INSYN2A: variants seen among roughly 807,000 people sequenced by gnomAD.
The protein encoded by INSYN2A is inhibitory synaptic factor 2A.
A neutral mutation model predicts 39.4 loss-of-function variants in INSYN2A; 17 were observed. That is an observed-to-expected ratio of 0.43 (90% CI 0.30 to 0.65). INSYN2A has a LOEUF of 0.65. Ranked by LOEUF, INSYN2A falls within the 30% of genes least tolerant of loss-of-function variation. The probability of loss-of-function intolerance (pLI) is 0.14; values close to 1 mark genes in which losing one functional copy is unlikely to be tolerated. For synonymous variants in INSYN2A, 255 were observed against 265.7 expected, an observed-to-expected ratio of 0.96 and a Z score of 0.39; for missense variants, 595 against 631.2, an observed-to-expected ratio of 0.94 and a Z score of 0.61.
At chr10:127,177,927 TAAGC>T (rs1449346587) in intron 2 of INSYN2A, among the ~76,000 whole-genome samples, 3 of 152,142 alleles carry the variant, frequency 2.0e-5, no homozygotes, top group African/African-American at 7.2e-5. Context: ...ACACAGGAAA[TAAGC>T]AGCGCAGGCA....
intron 4 of INSYN2A, 60 bp from the exon 5 acceptor site, chr10:127,153,983 A>G: frequency 8.2e-7 from 1 of 1,216,788 alleles, no homozygotes; most frequent in Middle Eastern, 1.9e-4. Context: ...GGCTTTATAG[A>G]GCAGATGCCT....
intron 2 of INSYN2A, among the ~76,000 whole-genome samples, chr10:127,184,409 A>G (rs2056031640): frequency 1.5e-5 from 2 of 136,002 alleles, no homozygotes; most frequent in East Asian, 4.3e-4. Flanking sequence ...TCTTCCCTTT[A>G]GTTCCACACT....
chr10:127,146,013 C>T lies in INSYN2A; in HGVS notation c.1256+7839G>A, dbSNP rs971863976. 5.8e-6 allele frequency: 3 copies of T among 517,826 alleles called. No individual in the cohort carries two copies. In the Admixed American group the frequency reaches 5.8e-5, roughly 10 times the overall value. The allele number at this position is 517,826 out of a possible 1,614,324, so 32.1% of individuals were successfully genotyped here. On this transcript the variant is annotated intron_variant, in intron 5 of 5. Coordinates refer to ENST00000522781, the MANE Select transcript of INSYN2A (RefSeq NM_001039762.3). The stretch of plus-strand genomic sequence containing the variant: ...CCGCACCCTGAATTCCCTAGTCACT[C>T]TATTCCCCATGGAATTTCATACGAC...
At position 127,175,745 on chromosome 10, in the gene INSYN2A, G is replaced by A. The variant is rs150978210; in HGVS notation, c.651C>T (p.Ser217=). 1.3e-3 allele frequency: 2,142 copies of A among 1,614,070 alleles called. 2 individuals carry two copies. The highest frequency in any genetic ancestry group is 1.6e-3 in the Non-Finnish European group (1,847 of 1,180,042). The change falls in exon 4 of 6, where the codon TCC becomes TCT. Residue 217 remains serine (S), a synonymous_variant. Coordinates refer to ENST00000522781, the MANE Select transcript of INSYN2A (RefSeq NM_001039762.3). The surrounding 1 kb of genome is among the most constrained non-coding windows in gnomAD (Gnocchi z 6.3). ...CGAGCAGCTGGTAATCGGGCTCTTC[G>A]GATGGAGGCCGAGTGGAGTTTTGGA... ...AALQNSTRPP[S]EEPDYQLLGR... is the part of the protein sequence containing the mutation.
In INSYN2A at chr10:127,153,927, C is replaced by T. The variant is rs762437757; in HGVS notation, c.1185-4G>A. On this transcript the variant is annotated splice_polypyrimidine_tract_variant and splice_region_variant and intron_variant, in intron 4 of 5. Coordinates refer to ENST00000522781, the MANE Select transcript of INSYN2A (RefSeq NM_001039762.3). Reference sequence around the variant, plus strand: ...TTGCCCCGTCCGATATGAAAGCCTACAAGATAAGAACAGGAGAGCATTACA... The same window carrying T: ...TTGCCCCGTCCGATATGAAAGCCTATAAGATAAGAACAGGAGAGCATTACA... 1.3e-5 allele frequency: 21 copies of T among 1,612,776 alleles called. No individual in the cohort carries two copies. The highest frequency in any genetic ancestry group is 2.7e-5 in the African/African-American group (2 of 74,880).
rs549063646 is a variant in INSYN2A, at chr10:127,176,483, C to T, written c.-5-83G>A. 3.4e-5 allele frequency: 38 copies of T among 1,102,472 alleles called. No individual in the cohort carries two copies. The highest frequency in any genetic ancestry group is 2.9e-4 in the South Asian group (19 of 65,898). 68.3% of individuals were successfully genotyped at this position (1,102,472 alleles called of 1,614,324 possible). ...CGGCCGCACAAACTTTTAGCCACCA[C>T]GACGACTGCCTGTTTCCTAATTATA... On this transcript the variant is annotated intron_variant, in intron 3 of 5. Transcript: ENST00000522781. The surrounding 1 kb of genome is among the most constrained non-coding windows in gnomAD (Gnocchi z 4.4).
chr10:127,139,085 A>G (rs2050977304), intron 5 of INSYN2A, among the ~76,000 whole-genome samples: 1 of 152,128 alleles, frequency 6.6e-6, no homozygotes, highest in Non-Finnish European at 1.5e-5. Context: ...TCCTCCTTCC[A>G]TGTCTGGTCT....
At chr10:127,186,468 G>T (rs562666643) in intron 2 of INSYN2A, among the ~76,000 whole-genome samples, 1 of 129,286 alleles carries the variant, frequency 7.7e-6, no homozygotes, top group African/African-American at 2.9e-5. Context: ...GATCTCCTGC[G>T]ATTTCACTCA....
intron 4 of INSYN2A, among the ~76,000 whole-genome samples, chr10:127,161,965 C>T (rs2053627541): frequency 6.6e-6 from 1 of 152,202 alleles, no homozygotes; most frequent in African/African-American, 2.4e-5. Flanking sequence ...AAGTAAAACT[C>T]TGGAAAACTG....
intron 2 of INSYN2A, among the ~76,000 whole-genome samples, chr10:127,183,919 T>G (rs936995336): frequency 6.6e-6 from 1 of 152,196 alleles, no homozygotes; most frequent in Non-Finnish European, 1.5e-5. Flanking sequence ...GTCTTCTCTG[T>G]GCATGATAAT....
intron 1 of INSYN2A, among the ~76,000 whole-genome samples, chr10:127,194,260 G>T (rs369583516): frequency 6.6e-6 from 1 of 152,160 alleles, no homozygotes; most frequent in Non-Finnish European, 1.5e-5. Flanking sequence ...AACCAAATGC[G>T]CCTCTAATAA....
intron 2 of INSYN2A, among the ~76,000 whole-genome samples, chr10:127,188,413 C>T (rs114021422): frequency 0.018 from 2,723 of 152,178 alleles, 74 homozygotes; most frequent in African/African-American, 0.058. Context: ...TGGTTGGAGA[C>T]GCAAAACATT....
At chr10:127,174,501 A>C (rs1423117919) in intron 4 of INSYN2A, among the ~76,000 whole-genome samples, 1 of 152,208 alleles carries the variant, frequency 6.6e-6, no homozygotes, top group African/African-American at 2.4e-5. Context: ...TCAAAACATG[A>C]AGTGCAAGAT....
chr10:127,162,598 A>T (rs1444133884), intron 4 of INSYN2A, among the ~76,000 whole-genome samples: 1 of 152,234 alleles, frequency 6.6e-6, no homozygotes, highest in Admixed American at 6.5e-5. Context: ...CCCTAAAGCC[A>T]GGAATCGAGA....
chr10:127,144,804 A>G (rs949128135), intron 5 of INSYN2A, among the ~76,000 whole-genome samples: 1 of 152,184 alleles, frequency 6.6e-6, no homozygotes, highest in Non-Finnish European at 1.5e-5. Context: ...ACTATTTTAC[A>G]TGGTAGGTGC....
In INSYN2A at chr10:127,176,281, T is replaced by G; in HGVS notation, c.115A>C (p.Lys39Gln). The G allele has an allele frequency of 6.2e-7, 1 of 1,614,132 alleles. No individual in the cohort carries two copies. The highest frequency in any genetic ancestry group is 8.5e-7 in the Non-Finnish European group (1 of 1,180,032). The stretch of plus-strand genomic sequence containing the variant: ...ACCTGCAGGGCTTTGTTCCGTTTTT[T>G]AATCTGCCGGTTGGGGTCCAGGGCG... The part of the protein sequence containing the change: ...KYALDPNRQI[K>Q]KRNKALQVRF... Residue 39 changes from lysine to glutamine, a missense_variant, in exon 4 of 6, where the codon AAA becomes CAA. Physicochemically the swap from Lys to Gln is moderately conservative, Grantham distance 53. Transcript: ENST00000522781. The surrounding 1 kb of genome is among the most constrained non-coding windows in gnomAD (Gnocchi z 4.4).
In INSYN2A at chr10:127,176,255, C is replaced by T. The variant is rs112335081; in HGVS notation, c.141G>A (p.Val47=). ...QIKKRNKALQ[V]RFKDICEAQN... Reference sequence around the variant, plus strand: ...GTGCCTCGCAGATATCCTTAAACCGCACCTGCAGGGCTTTGTTCCGTTTTT... The same window carrying T: ...GTGCCTCGCAGATATCCTTAAACCGTACCTGCAGGGCTTTGTTCCGTTTTT... The change falls in exon 4 of 6, where the codon GTG becomes GTA. Residue 47 remains valine, a synonymous_variant. Transcript: ENST00000522781. The surrounding 1 kb of genome is among the most constrained non-coding windows in gnomAD (Gnocchi z 4.4). 3.2e-5 allele frequency: 52 copies of T among 1,614,042 alleles called. 3 individuals carry two copies. In the African/African-American group the frequency reaches 3.6e-4, roughly 11 times the overall value.
chr10:127,144,963 CA>C (rs1564838599), intron 5 of INSYN2A, among the ~76,000 whole-genome samples: 15 of 152,112 alleles, frequency 9.9e-5, no homozygotes, highest in Non-Finnish European at 1.5e-4. Flanking sequence ...TTTAAAAAAG[CA>C]TTAGCCAGAT....
chr10:127,168,775 C>T (rs1206492036), intron 4 of INSYN2A, among the ~76,000 whole-genome samples: 1 of 152,228 alleles, frequency 6.6e-6, no homozygotes, highest in Admixed American at 6.5e-5. Context: ...GGAAATCAGA[C>T]TCTAAGCCCA....
Sources: gnomAD v4.1 joint callset for allele counts (sites outside exome capture counted in the v4.1 genomes callset) on GRCh38, gnomAD v4.1.1 for gene constraint, Gnocchi (gnomAD v3.1) non-coding constraint, MANE v1.5 for transcripts, NCBI Gene and HGNC (gene_info 2026-07-23, HGNC 2026-07-21) for gene names.